The following ZNF565 variants were observed in gnomAD, a reference collection of about 807,000 sequenced individuals.
ZNF565 encodes the protein zinc finger protein 565.
ZNF565 carries 27 observed loss-of-function variants against 39.4 expected under a neutral mutation model. The observed-to-expected ratio is 0.69, with a 90% confidence interval of 0.51 to 0.95. The LOEUF (loss-of-function observed/expected upper bound fraction) is 0.95. Among genes scored for constraint, ZNF565 ranks in the 40% least tolerant of loss-of-function variants. The pLI is 0.00. For missense variants in ZNF565, 524 were observed against 621.1 expected (o/e 0.84, Z 1.66); for synonymous variants, 185 against 216.6 (o/e 0.85, Z 1.28).
At chr19:36,218,142 C>T (rs1976691842), upstream of ZNF565, 1 of 144,398 alleles carries the variant, frequency 6.9e-6, no homozygotes, top group Admixed American at 7.1e-5. Flanking sequence ...GCCAAGGAGC[C>T]AGACTTCCTG....
chr19:36,244,189 G>T (rs1021899860), intron 1 of ZNF565, among the ~76,000 whole-genome samples: 2 of 152,072 alleles, frequency 1.3e-5, no homozygotes, highest in African/African-American at 4.8e-5. Flanking sequence ...CTCTATTCTT[G>T]CCACCTCACC....
chr19:36,182,305 CATTT>C lies in ZNF565; in HGVS notation c.*157_*160del, dbSNP rs1026925429. ...GTGAGTGAGGCAAAAAGAATTCCCA[CATTT>C]ATTTAATTTTCTTTGGGTGTGAGTT... On this transcript the variant is annotated 3_prime_UTR_variant, in exon 5 of 5. Coordinates refer to ENST00000304116, the MANE Select transcript of ZNF565 (RefSeq NM_152477.5). 9.9e-5 allele frequency: 52 copies of C among 527,034 alleles called. 1 individual carries two copies. In the South Asian group the frequency reaches 1.9e-3, roughly 19 times the overall value. The allele number at this position is 527,034 out of a possible 1,614,324, so 32.6% of individuals were successfully genotyped here.
chr19:36,182,492 C>A lies in ZNF565; in HGVS notation c.1474G>T (p.Glu492Ter). The A allele has an allele frequency of 6.3e-7, 1 of 1,583,566 alleles. No individual in the cohort carries two copies. Among genetic ancestry groups the A allele is most frequent in the South Asian group, 1.2e-5 (1 of 84,790 alleles). The stretch of plus-strand genomic sequence containing the variant: ...TAACCAGTATGAATTCTGTAGTGTT[C>A]AATGAGTTGTGAGCCAAGAATAAAT... ...QAFILGSQLI[E>*]HYRIHTG Residue 492 changes from glutamate (E) to a stop codon, truncating the protein, a stop_gained, in exon 5 of 5, where the codon GAA becomes TAA. Coordinates refer to ENST00000304116, the MANE Select transcript of ZNF565 (RefSeq NM_152477.5). LOFTEE classifies it high-confidence loss of function.
intron 3 of ZNF565, chr19:36,194,638 C>T (rs551974548): frequency 6.5e-6 from 3 of 462,332 alleles, no homozygotes; most frequent in African/African-American, 3.9e-5. Context: ...CCATGAACCC[C>T]TCCTTCCCCT....
At chr19:36,203,091 T>G (rs1976022814) in intron 1 of ZNF565, among the ~76,000 whole-genome samples, 1 of 152,126 alleles carries the variant, frequency 6.6e-6, no homozygotes, top group Non-Finnish European at 1.5e-5. Flanking sequence ...TCCCAGCACT[T>G]TGGGAGGCCA....
At chr19:36,197,308 C>T (rs187119527) in intron 2 of ZNF565, among the ~76,000 whole-genome samples, 25 of 150,388 alleles carry the variant, frequency 1.7e-4, no homozygotes, top group Admixed American at 1.2e-3. Context: ...AACAACAAAA[C>T]CCCCAAAAAA....
At chr19:36,196,245 A>G (rs1358908791) in intron 2 of ZNF565, among the ~76,000 whole-genome samples, 1 of 152,026 alleles carries the variant, frequency 6.6e-6, no homozygotes, top group African/African-American at 2.4e-5. Context: ...TTGATTTTTA[A>G]TATTTTGTTT....
rs1975672627 is a variant in ZNF565, at chr19:36,194,164, T to A, written c.232+69A>T. Reference sequence around the variant, plus strand: ...AGGGCTTTGAGGGAACTTCCCACAGTAACTCAAGTTACTCCTGTCAGTCGA... The same window carrying A: ...AGGGCTTTGAGGGAACTTCCCACAGAAACTCAAGTTACTCCTGTCAGTCGA... On this transcript the variant is annotated intron_variant, in intron 4 of 4. Transcript: ENST00000304116. The A allele has an allele frequency of 9.7e-6, 13 of 1,333,626 alleles. No individual in the cohort carries two copies. The South Asian group carries it at 1.5e-4, about 15-fold the overall frequency. 82.6% of individuals were successfully genotyped at this position (1,333,626 alleles called of 1,614,324 possible).
At chr19:36,223,280 A>T (rs1221131394) in intron 1 of ZNF565, among the ~76,000 whole-genome samples, 2 of 151,044 alleles carry the variant, frequency 1.3e-5, no homozygotes, top group African/African-American at 2.4e-5. Flanking sequence ...TTAGCCAGTC[A>T]TTGTGGTGCA....
intron 1 of ZNF565, chr19:36,236,313 G>T: frequency 9.0e-7 from 1 of 1,110,148 alleles, no homozygotes; most frequent in African/African-American, 1.6e-5. Flanking sequence ...GCATTTGGGA[G>T]ATCATACACA....
In ZNF565 at chr19:36,183,296, CAT is replaced by C. The variant is rs758950278; in HGVS notation, c.668_669del (p.Tyr223Ter). The C allele has an allele frequency of 1.7e-5, 28 of 1,614,038 alleles. No individual in the cohort carries two copies. The highest frequency in any genetic ancestry group is 2.3e-5 in the Non-Finnish European group (27 of 1,180,034). On this transcript the variant is annotated frameshift_variant, in exon 5 of 5. Transcript: ENST00000304116. LOFTEE classifies it high-confidence loss of function. ...AAGGCCTTCCCACAGTCCTTACAGTCATAAGGTTTCTCACCCGTGTGAATTCT... is the reference window on the plus strand; with the variant it reads ...AAGGCCTTCCCACAGTCCTTACAGTCAAGGTTTCTCACCCGTGTGAATTCT... ...HQRIHTGEKP[Y>X]DCKDCGKAFG...
chr19:36,183,398 T>C lies in ZNF565; in HGVS notation c.568A>G (p.Thr190Ala). Residue 190 changes from threonine (T) to alanine (A), a missense_variant, in exon 5 of 5, where the codon ACT (threonine) becomes GCT (alanine). By Grantham distance (58) the Thr-to-Ala change is moderately conservative (BLOSUM62 0). Coordinates refer to ENST00000304116, the MANE Select transcript of ZNF565 (RefSeq NM_152477.5). ...SHLIQHQKIH[T>A]GEKPFGCKEC... ...TTACATCCAAAGGGTTTTTCACCAGTGTGAATTTTCTGATGTTGAATAAGG... is the reference window on the plus strand; with the variant it reads ...TTACATCCAAAGGGTTTTTCACCAGCGTGAATTTTCTGATGTTGAATAAGG... The C allele has an allele frequency of 6.2e-7, 1 of 1,608,268 alleles. No individual in the cohort carries two copies.
intron 2 of ZNF565, among the ~76,000 whole-genome samples, chr19:36,200,301 C>T (rs969699787): frequency 1.3e-5 from 2 of 152,106 alleles, no homozygotes; most frequent in African/African-American, 2.4e-5. Context: ...GCTGGGATTA[C>T]AGGTATCAGA....
In ZNF565 at chr19:36,231,201, A is replaced by G. The variant is rs75186918; in HGVS notation, c.55+14275T>C. ...AACATGGAGAAACCCTGTCTCTACT[A>G]AAAATACAAAAGTTCTTCTTTTTTT... is the stretch of plus-strand genomic sequence containing the variant. On this transcript the variant is annotated intron_variant, in intron 1 of 4. Transcript: ENST00000355114. Among the ~76,000 whole-genome samples, 969 of 152,130 alleles carry G rather than the reference A, an allele frequency of 6.4e-3. 12 individuals are homozygous for G. Among genetic ancestry groups the G allele is most frequent in the African/African-American group, 0.022 (919 of 41,510 alleles).
At chr19:36,211,879 C>T (rs1466828366) in intron 1 of ZNF565, among the ~76,000 whole-genome samples, 2 of 151,934 alleles carry the variant, frequency 1.3e-5, no homozygotes. Context: ...TGACAAATAG[C>T]TGGTAACAAC....
At chr19:36,217,911 A>C (rs1218065709), upstream of ZNF565, among the ~76,000 whole-genome samples, 1 of 151,646 alleles carries the variant, frequency 6.6e-6, no homozygotes, top group African/African-American at 2.4e-5. Context: ...AATTCAAAAG[A>C]TACATACGAA....
chr19:36,219,934 C>T (rs1397789640), intron 1 of ZNF565, among the ~76,000 whole-genome samples: 1 of 151,696 alleles, frequency 6.6e-6, no homozygotes, highest in African/African-American at 2.4e-5. Flanking sequence ...TCTTTTTTTC[C>T]CCCTGGCTTT....
At chr19:36,194,954 G>A in intron 3 of ZNF565, 76 bp downstream of exon 3, 15 of 1,605,286 alleles carry the variant, frequency 9.3e-6, no homozygotes, top group Non-Finnish European at 1.1e-5. Flanking sequence ...TTTAGGCAGA[G>A]ATGGAAACTG....
Position 36,182,558 on chromosome 19 carries a change from G to T in ZNF565, c.1408C>A (p.Pro470Thr), listed in dbSNP as rs866287543. Residue 470 changes from proline to threonine, a missense_variant, in exon 5 of 5, where the codon CCT (proline) becomes ACT (threonine). Transcript: ENST00000304116. ...CTACATTCGTAAGGTTTGATACCAG[G>T]ATGAATTCTCTGATGTTCGGTAAGT... The part of the protein sequence containing the change: ...SQLTEHQRIH[P>T]GIKPYECREC... The T allele has an allele frequency of 6.2e-7, 1 of 1,613,802 alleles. No individual in the cohort carries two copies. Among genetic ancestry groups the T allele is most frequent in the African/African-American group, 1.3e-5 (1 of 75,030 alleles).
Sources: allele counts gnomAD v4.1 joint callset (sites outside exome capture counted in the v4.1 genomes callset), GRCh38; gene constraint gnomAD v4.1.1; transcripts MANE v1.5; gene names NCBI Gene and HGNC (gene_info 2026-07-23, HGNC 2026-07-21).